Variants in ADSS2 observed in about 807,000 individuals in gnomAD.
ADSS2 encodes the protein adenylosuccinate synthetase isozyme 2.
Under a neutral mutation model 60.0 loss-of-function variants are expected in ADSS2, and 30 were observed. That is an observed-to-expected ratio of 0.50 (90% CI 0.37 to 0.68). The LOEUF is 0.68. Ranked by LOEUF, ADSS2 falls within the 30% of genes least tolerant of loss-of-function variation. ADSS2 has a pLI of 0.00. For synonymous variants in ADSS2, 187 were observed against 193.1 expected, an observed-to-expected ratio of 0.97 and a Z score of 0.26; for missense variants, 373 against 554.8, an observed-to-expected ratio of 0.67 and a Z score of 3.29.
chr1:244,432,558 G>T lies in ADSS2; in HGVS notation c.393C>A (p.Asp131Glu). 1 of 1,575,072 alleles carries T rather than the reference G, an allele frequency of 6.3e-7. No homozygotes were observed. Among genetic ancestry groups the T allele is most frequent in the Non-Finnish European group, 8.6e-7 (1 of 1,158,272 alleles). Reference sequence around the variant, plus strand: ...TATCCACCTTACCAATATGAGCTCTGTCAGATATAATAAGCCTTTTTTCCC... The same window carrying T: ...TATCCACCTTACCAATATGAGCTCTTTCAGATATAATAAGCCTTTTTTCCC... The part of the protein sequence containing the change: ...EGWEKRLIIS[D>E]RAHIVFDFHQ... Residue 131 changes from aspartate to glutamate, a missense_variant, in exon 4 of 13, where the codon GAC becomes GAA. By Grantham distance (45) the Asp-to-Glu change is conservative. Around this residue, in one of 5 missense-constraint regions of ADSS2, gnomAD observed 139 missense variants for 189.4 expected, o/e 0.73. Transcript: ENST00000366535.
chr1:244,426,258 T>C (rs772732090), intron 4 of ADSS2, among the ~76,000 whole-genome samples: 2 of 152,208 alleles, frequency 1.3e-5, no homozygotes, highest in Non-Finnish European at 2.9e-5. Flanking sequence ...GTAAATGTTT[T>C]GTTTTCTATG....
intron 1 of ADSS2, among the ~76,000 whole-genome samples, chr1:244,441,781 C>T (rs1003872298): frequency 9.9e-5 from 15 of 151,982 alleles, no homozygotes; most frequent in Admixed American, 7.9e-4. Context: ...ATAATGAAAC[C>T]CCGTCTCTAC....
intron 3 of ADSS2, among the ~76,000 whole-genome samples, chr1:244,436,204 G>C (rs1665097748): frequency 6.6e-6 from 1 of 152,154 alleles, no homozygotes; most frequent in African/African-American, 2.4e-5. Flanking sequence ...TTGGATTTCA[G>C]ATTTTTGTAT....
chr1:244,410,979 A>G (rs550229662), intron 12 of ADSS2, among the ~76,000 whole-genome samples: 1 of 152,186 alleles, frequency 6.6e-6, no homozygotes, highest in African/African-American at 2.4e-5. Context: ...TAATCCCAGC[A>G]CTTTGGGAGG....
intron 8 of ADSS2, 39 bp downstream of exon 8, chr1:244,420,131 C>T: frequency 6.3e-7 from 1 of 1,579,496 alleles, no homozygotes; most frequent in Non-Finnish European, 8.6e-7. Flanking sequence ...ACTTAGGGCT[C>T]AGTTAAGCTC....
At chr1:244,416,410 C>T (rs116493677) in intron 10 of ADSS2, among the ~76,000 whole-genome samples, 3,356 of 152,264 alleles carry the variant, frequency 0.022, 68 homozygotes, top group Middle Eastern at 0.041. Flanking sequence ...CTCAACCTCC[C>T]GGGCTCAAGC....
At chr1:244,425,511 T>C (rs1481248873) in intron 4 of ADSS2, among the ~76,000 whole-genome samples, 4 of 152,222 alleles carry the variant, frequency 2.6e-5, no homozygotes, top group Non-Finnish European at 5.9e-5. Flanking sequence ...AGAAGACTGA[T>C]ACTGAAGTTA....
Position 244,417,625 on chromosome 1 carries a change from C to T in ADSS2, c.1070+3G>A. The T allele has an allele frequency of 6.2e-7, 1 of 1,611,358 alleles. No homozygotes were observed. Among genetic ancestry groups the T allele is most frequent in the South Asian group, 1.1e-5 (1 of 90,872 alleles). ...GAAATAAATGTTTCTGAAGAATACT[C>T]ACGCAGTAAATCCATTGATCATATG... is the stretch of plus-strand genomic sequence containing the variant. On this transcript the variant is annotated splice_donor_region_variant and intron_variant, in intron 10 of 12. Transcript: ENST00000366535.
At chr1:244,448,170 G>A (rs1665441655) in intron 1 of ADSS2, among the ~76,000 whole-genome samples, 1 of 152,128 alleles carries the variant, frequency 6.6e-6, no homozygotes, top group African/African-American at 2.4e-5. Context: ...GAAGTAGTCT[G>A]GCAGATCATT....
chr1:244,421,213 A>G lies in ADSS2; in HGVS notation c.664-917T>C, dbSNP rs527941885. ...ATGGGCATTATAAAAATTTCTCAAA[A>G]CATTTAATTGTTAGTATTACTGCTT... On this transcript the variant is annotated intron_variant, in intron 7 of 12. Coordinates refer to ENST00000366535, the MANE Select transcript of ADSS2 (RefSeq NM_001126.5). 1.2e-4 allele frequency among the ~76,000 whole-genome samples: 18 copies of G among 152,348 alleles called. No individual in the cohort carries two copies. The South Asian group carries it at 3.7e-3, about 32-fold the overall frequency.
At chr1:244,429,459 T>G (rs748974626) in intron 4 of ADSS2, among the ~76,000 whole-genome samples, 1 of 152,246 alleles carries the variant, frequency 6.6e-6, no homozygotes, top group Admixed American at 6.5e-5. Context: ...TTCAGTGCCA[T>G]GGTGACAGCG....
chr1:244,431,990 C>T lies in ADSS2; in HGVS notation c.406+555G>A, dbSNP rs11801330. Among the ~76,000 whole-genome samples the T allele has an allele frequency of 6.4e-3, 976 of 152,280 alleles. 9 individuals are homozygous for T. The highest frequency in any genetic ancestry group is 0.022 in the African/African-American group (922 of 41,546). ...AGATCAATCACAGAGAAGTTTCCTA[C>T]GTGGTTTTTACTTATTTCTTTTCTG... On this transcript the variant is annotated intron_variant, in intron 4 of 12. Coordinates refer to ENST00000366535, the MANE Select transcript of ADSS2 (RefSeq NM_001126.5).
intron 3 of ADSS2, among the ~76,000 whole-genome samples, chr1:244,435,191 A>AAAAAAAC (rs1290342780): frequency 6.9e-6 from 1 of 145,956 alleles, no homozygotes. Flanking sequence ...AAAAAAAAAA[A>AAAAAAAC]AAAAAACAAA....
rs1664362111 is a variant in ADSS2, at chr1:244,409,462, C to A, written c.*124G>T. On this transcript the variant is annotated 3_prime_UTR_variant, in exon 13 of 13. Coordinates refer to ENST00000366535, the MANE Select transcript of ADSS2 (RefSeq NM_001126.5). The stretch of plus-strand genomic sequence containing the variant: ...GGCATCCATCTGAAAAGACTGGAAA[C>A]AACTGTAGGGCTTCAAACTTACTTC... The A allele has an allele frequency of 1.4e-6, 1 of 706,978 alleles. No homozygotes were observed. The highest frequency in any genetic ancestry group is 1.9e-5 in the South Asian group (1 of 52,636). The allele number at this position is 706,978 out of a possible 1,614,324, so 43.8% of individuals were successfully genotyped here.
chr1:244,422,578 G>A (rs569689874), intron 7 of ADSS2, among the ~76,000 whole-genome samples: 5 of 152,136 alleles, frequency 3.3e-5, no homozygotes, highest in Non-Finnish European at 5.9e-5. Flanking sequence ...TATCTCCAGG[G>A]TAAGATCTAA....
At chr1:244,433,572 T>C (rs147059664) in intron 3 of ADSS2, among the ~76,000 whole-genome samples, 2,401 of 152,192 alleles carry the variant, frequency 0.016, 29 homozygotes, top group Non-Finnish European at 0.023. Flanking sequence ...TTATAACAAA[T>C]ATGGGCTGGG....
Position 244,451,241 on chromosome 1 carries a change from C to A in ADSS2, c.183+394G>T, listed in dbSNP as rs1665577183. 6.6e-6 allele frequency among the ~76,000 whole-genome samples: 1 copy of A among 152,172 alleles called. No homozygotes were observed. The highest frequency in any genetic ancestry group is 1.9e-4 in the East Asian group (1 of 5,178). On this transcript the variant is annotated intron_variant, in intron 1 of 12. Transcript: ENST00000366535. This position sits in a 1 kb window ranked among gnomAD's most constrained non-coding sequence, Gnocchi z 6.6. ...TCTGCCGTCGCGCCGGGTCTCCGCC[C>A]GCAGTCGGAAGAGTTGGGAGCAGGC...
At chr1:244,428,246 A>C (rs190817837) in intron 4 of ADSS2, among the ~76,000 whole-genome samples, 1 of 152,322 alleles carries the variant, frequency 6.6e-6, no homozygotes, top group African/African-American at 2.4e-5. Context: ...AACAAAGATT[A>C]GGATCATACA....
At chr1:244,446,898 A>G (rs1401664417) in intron 1 of ADSS2, among the ~76,000 whole-genome samples, 2 of 152,230 alleles carry the variant, frequency 1.3e-5, no homozygotes, top group African/African-American at 4.8e-5. Context: ...AGTTTTCTCA[A>G]TAATAAAATT....
Sources: gnomAD v4.1 joint callset for allele counts (sites outside exome capture counted in the v4.1 genomes callset) on GRCh38, gnomAD v4.1.1 for gene constraint, gnomAD v4.1.1 regional missense constraint, Gnocchi (gnomAD v3.1) non-coding constraint, MANE v1.5 for transcripts, NCBI Gene and HGNC (gene_info 2026-07-23, HGNC 2026-07-21) for gene names.